Variants in STAG1 observed in about 807,000 individuals in gnomAD.
STAG1 encodes cohesin subunit SA-1.
Under a neutral mutation model 170.9 loss-of-function variants are expected in STAG1, and 26 were observed. The ratio of observed to expected loss-of-function variants is 0.15; its 90% confidence interval spans 0.11 to 0.21. The LOEUF (loss-of-function observed/expected upper bound fraction) is 0.21, where lower values mean the gene tolerates loss of function less well. Ranked by LOEUF, STAG1 falls within the 10% of genes least tolerant of loss-of-function variation. STAG1 has a pLI of 1.00. For synonymous variants in STAG1, 514 were observed against 497.7 expected, an observed-to-expected ratio of 1.03 and a Z score of -0.44; for missense variants, 964 against 1,509.5, an observed-to-expected ratio of 0.64 and a Z score of 5.99.
chr3:136,569,801 C>T (rs1366650397), intron 4 of STAG1, among the ~76,000 whole-genome samples: 1 of 151,688 alleles, frequency 6.6e-6, no homozygotes, highest in Non-Finnish European at 1.5e-5. Flanking sequence ...AAGAATAAAT[C>T]TAAGAGAATT....
intron 28 of STAG1, among the ~76,000 whole-genome samples, chr3:136,353,022 T>C (rs901216552): frequency 2.0e-5 from 3 of 152,164 alleles, no homozygotes; most frequent in Non-Finnish European, 4.4e-5. Context: ...AGAGTATCAA[T>C]TTTAAAACAG....
intron 22 of STAG1, among the ~76,000 whole-genome samples, chr3:136,391,428 G>T (rs915428550): frequency 3.4e-5 from 5 of 146,524 alleles, no homozygotes; most frequent in Non-Finnish European, 5.9e-5. Context: ...CCAAGCTGGA[G>T]TGCAGTGGCA....
At chr3:136,414,150 T>C (rs897931318) in intron 21 of STAG1, among the ~76,000 whole-genome samples, 40 of 152,184 alleles carry the variant, frequency 2.6e-4, no homozygotes, top group African/African-American at 9.2e-4. Flanking sequence ...GGGGTGACTA[T>C]GGCAATTTCT....
intron 6 of STAG1, among the ~76,000 whole-genome samples, chr3:136,538,730 T>TA (rs1329637407): frequency 6.6e-6 from 1 of 152,052 alleles, no homozygotes; most frequent in African/African-American, 2.4e-5. Flanking sequence ...ACCACATAGT[T>TA]ACTTCTTAAG....
At chr3:136,740,136 A>G (rs1483973840) in intron 1 of STAG1, among the ~76,000 whole-genome samples, 1 of 152,170 alleles carries the variant, frequency 6.6e-6, no homozygotes, top group Non-Finnish European at 1.5e-5. Flanking sequence ...CTGTAATCTC[A>G]GCTACTCGGG....
chr3:136,633,716 G>A (rs1394432040), intron 1 of STAG1, among the ~76,000 whole-genome samples: 1 of 140,130 alleles, frequency 7.1e-6, no homozygotes, highest in South Asian at 2.4e-4. Context: ...AAAAAGGGGG[G>A]GGGGGGGGTC....
intron 1 of STAG1, among the ~76,000 whole-genome samples, chr3:136,716,912 G>A (rs1006621327): frequency 6.6e-6 from 1 of 152,192 alleles, no homozygotes; most frequent in African/African-American, 2.4e-5. Context: ...TATATGAAGT[G>A]AGGATAACAA....
intron 1 of STAG1, among the ~76,000 whole-genome samples, chr3:136,648,332 T>TA (rs954182616): frequency 1.3e-5 from 2 of 152,226 alleles, no homozygotes; most frequent in Non-Finnish European, 2.9e-5. Context: ...CAAGCACCAG[T>TA]AAACTGCTTC....
intron 1 of STAG1, among the ~76,000 whole-genome samples, chr3:136,745,772 G>C (rs1443801029): frequency 2.6e-5 from 4 of 152,148 alleles, no homozygotes; most frequent in Non-Finnish European, 5.9e-5. Context: ...GGGCCACATT[G>C]GAAGAAGAAT....
chr3:136,621,176 C>T (rs1160679292), intron 3 of STAG1, among the ~76,000 whole-genome samples: 1 of 152,030 alleles, frequency 6.6e-6, no homozygotes, highest in African/African-American at 2.4e-5. Flanking sequence ...GCTGTACACA[C>T]ATAAAACTTA....
At chr3:136,361,984 T>C (rs1936882244) in intron 26 of STAG1, among the ~76,000 whole-genome samples, 1 of 151,906 alleles carries the variant, frequency 6.6e-6, no homozygotes, top group Admixed American at 6.6e-5. Context: ...AGACAGAGTT[T>C]TGCTCTTGTG....
intron 1 of STAG1, among the ~76,000 whole-genome samples, chr3:136,734,584 G>C (rs1934232592): frequency 6.6e-6 from 1 of 152,046 alleles, no homozygotes; most frequent in Non-Finnish European, 1.5e-5. Flanking sequence ...TGTTACGTGG[G>C]GCAGCAGGGG....
intron 2 of STAG1, among the ~76,000 whole-genome samples, chr3:136,623,577 T>C (rs892836941): frequency 3.9e-5 from 6 of 152,244 alleles, no homozygotes; most frequent in Non-Finnish European, 1.5e-5. Flanking sequence ...TATTTTTATT[T>C]ATTTTGTTTA....
At chr3:136,463,316 T>C (rs1174050237) in intron 13 of STAG1, among the ~76,000 whole-genome samples, 1 of 152,164 alleles carries the variant, frequency 6.6e-6, no homozygotes, top group Non-Finnish European at 1.5e-5. Context: ...TAGAGAACAA[T>C]TTGTTATTGT....
chr3:136,699,101 C>T (rs1426163673), intron 1 of STAG1, among the ~76,000 whole-genome samples: 1 of 152,062 alleles, frequency 6.6e-6, no homozygotes, highest in East Asian at 1.9e-4. Context: ...GGTTAAAAGC[C>T]TACATATTGG....
chr3:136,628,992 T>G (rs1048170894), intron 2 of STAG1, among the ~76,000 whole-genome samples: 2 of 151,998 alleles, frequency 1.3e-5, no homozygotes, highest in African/African-American at 4.8e-5. Context: ...TAACCAAGAG[T>G]ACCATCTTCG....
intron 1 of STAG1, among the ~76,000 whole-genome samples, chr3:136,706,975 G>C (rs1406213080): frequency 6.6e-6 from 1 of 152,124 alleles, no homozygotes; most frequent in Non-Finnish European, 1.5e-5. Context: ...TTCAACAAAT[G>C]GTATTGGGAT....
chr3:136,661,955 CTG>C (rs545026461), intron 1 of STAG1, among the ~76,000 whole-genome samples: 98 of 152,338 alleles, frequency 6.4e-4, no homozygotes, highest in African/African-American at 2.2e-3. Context: ...TAGTCTGACT[CTG>C]TATCCCACAC....
At chr3:136,709,197 G>A (rs1228596168) in intron 1 of STAG1, among the ~76,000 whole-genome samples, 1 of 151,932 alleles carries the variant, frequency 6.6e-6, no homozygotes, top group Non-Finnish European at 1.5e-5. Context: ...GGCTGAGGCA[G>A]GAGATTCACA....
Sources: allele counts gnomAD v4.1 joint callset (sites outside exome capture counted in the v4.1 genomes callset), GRCh38; gene constraint gnomAD v4.1.1; transcripts MANE v1.5; gene names NCBI Gene and HGNC (gene_info 2026-07-23, HGNC 2026-07-21).